Variants in NAV2 observed in about 807,000 individuals in gnomAD.
NAV2 encodes the protein helicase, APC down-regulated 1.
In NAV2, 54 loss-of-function variants were observed where a neutral mutation model predicts 223.2. The ratio of observed to expected loss-of-function variants is 0.24; its 90% CI spans 0.19 to 0.30. The LOEUF (loss-of-function observed/expected upper bound fraction) is 0.30, where lower values mean the gene tolerates loss of function less well. Among genes scored for constraint, NAV2 ranks in the 10% least tolerant of loss-of-function variants. The pLI is 1.00. For missense variants in NAV2, 2,806 were observed against 3,147.5 expected (o/e 0.89, Z 2.60); for synonymous variants, 1,279 against 1,239.3 (o/e 1.03, Z -0.67).
rs115572639 is a variant in NAV2, at chr11:19,551,217, C to A, written c.75+200190C>A. Among the ~76,000 whole-genome samples the A allele has an allele frequency of 4.6e-3, 706 of 152,388 alleles. 8 individuals carry two copies. Among genetic ancestry groups the A allele is most frequent in the African/African-American group, 0.016 (670 of 41,590 alleles). The stretch of plus-strand genomic sequence containing the variant: ...TGCAGCACCATCACTTTCTTTACTA[C>A]AATTTATGCAAGAACATGTGCAGGT... On this transcript the variant is annotated intron_variant, in intron 1 of 37. Coordinates refer to the NAV2 transcript ENST00000360655.
chr11:19,543,466 T>C (rs534415123), intron 1 of NAV2, among the ~76,000 whole-genome samples: 6 of 152,358 alleles, frequency 3.9e-5, no homozygotes, highest in African/African-American at 1.4e-4. Flanking sequence ...TCTATTCTTT[T>C]TCTTTTATCG....
At chr11:19,554,827 G>A (rs926068936) in intron 1 of NAV2, among the ~76,000 whole-genome samples, 7 of 151,960 alleles carry the variant, frequency 4.6e-5, no homozygotes, top group Non-Finnish European at 8.8e-5. Context: ...TTAGCCAGGC[G>A]TGGTGGCTAC....
In NAV2 at chr11:20,048,970, T is replaced by TCTTC. The variant is rs1303780842; in HGVS notation, c.4146_4147insTTCC (p.Thr1383PhefsTer14). On this transcript the variant is annotated frameshift_variant, in exon 15 of 38. Coordinates refer to ENST00000349880, the MANE Select transcript of NAV2 (RefSeq NM_145117.5). LOFTEE classifies it high-confidence loss of function. ...GCCCACTCGGCCCCTTCCAACAGCCTCACCTGGGGCACCAACGCCAGCAGC... is the reference window on the plus strand; with the variant it reads ...GCCCACTCGGCCCCTTCCAACAGCCTCTTCCACCTGGGGCACCAACGCCAGCAGC... The TCTTC allele has an allele frequency of 6.2e-7, 1 of 1,614,070 alleles. No homozygotes were observed. Among genetic ancestry groups the TCTTC allele is most frequent in the South Asian group, 1.1e-5 (1 of 91,066 alleles).
At chr11:20,094,223 C>CTTTTTTT (rs61099684) in intron 29 of NAV2, among the ~76,000 whole-genome samples, 31 of 88,494 alleles carry the variant, frequency 3.5e-4, no homozygotes, top group East Asian at 6.2e-4. Context: ...TTTTCTTTAT[C>CTTTTTTT]TTTTTTTTTT....
intron 22 of NAV2, among the ~76,000 whole-genome samples, chr11:20,074,515 C>G (rs1467070825): frequency 6.6e-6 from 1 of 152,066 alleles, no homozygotes. Flanking sequence ...GTTCATCTGT[C>G]TAATATTGAC....
intron 10 of NAV2, among the ~76,000 whole-genome samples, chr11:19,973,264 C>G (rs1004290690): frequency 6.6e-6 from 1 of 152,112 alleles, no homozygotes; most frequent in African/African-American, 2.4e-5. Flanking sequence ...AGATTCCCAC[C>G]CCTACAGGCT....
chr11:19,456,781 G>A (rs1028069606), intron 1 of NAV2, among the ~76,000 whole-genome samples: 10 of 152,170 alleles, frequency 6.6e-5, no homozygotes, highest in South Asian at 2.1e-4. Context: ...CCCCATTCTC[G>A]CTCTCCCTTT....
intron 1 of NAV2, among the ~76,000 whole-genome samples, chr11:19,589,381 G>A (rs1336701373): frequency 6.6e-6 from 1 of 152,176 alleles, no homozygotes; most frequent in East Asian, 1.9e-4. Flanking sequence ...TTCAATCAGT[G>A]GTTACAATTC....
chr11:19,746,373 T>A (rs2053341600), intron 1 of NAV2, among the ~76,000 whole-genome samples: 1 of 68,806 alleles, frequency 1.5e-5, no homozygotes, highest in South Asian at 3.4e-4. Flanking sequence ...TGCGTTTGTA[T>A]GTTTTTTTTT....
At chr11:19,554,042 T>C (rs528972556) in intron 1 of NAV2, among the ~76,000 whole-genome samples, 73 of 152,338 alleles carry the variant, frequency 4.8e-4, no homozygotes, top group African/African-American at 1.7e-3. Context: ...ACTGAAAAGT[T>C]GTGGGAGCTC....
chr11:19,747,243 A>T (rs1332381175), intron 1 of NAV2, among the ~76,000 whole-genome samples: 1 of 151,980 alleles, frequency 6.6e-6, no homozygotes, highest in African/African-American at 2.4e-5. Context: ...TTATGGCTGC[A>T]TAGTATTCCA....
chr11:19,604,756 G>A (rs1253774387), intron 1 of NAV2, among the ~76,000 whole-genome samples: 1 of 152,166 alleles, frequency 6.6e-6, no homozygotes, highest in Non-Finnish European at 1.5e-5. Context: ...TGTAGCTCCT[G>A]CAATTCCCAT....
At chr11:20,034,028 G>C (rs1197046224) in intron 11 of NAV2, among the ~76,000 whole-genome samples, 14 of 152,182 alleles carry the variant, frequency 9.2e-5, no homozygotes, top group Non-Finnish European at 2.9e-5. Context: ...CCCAAGCCTG[G>C]CGTCCTCCTG....
At chr11:20,006,481 C>T (rs1175311502) in intron 11 of NAV2, among the ~76,000 whole-genome samples, 2 of 152,090 alleles carry the variant, frequency 1.3e-5, no homozygotes, top group Non-Finnish European at 2.9e-5. Context: ...TCAAGACCAT[C>T]CTGACCAACA....
At chr11:19,910,780 C>T (rs2043241080) in intron 6 of NAV2, among the ~76,000 whole-genome samples, 3 of 152,244 alleles carry the variant, frequency 2.0e-5, no homozygotes, top group South Asian at 2.1e-4. Flanking sequence ...ATTGCTTGAA[C>T]CTGAGAGGCG....
intron 19 of NAV2, chr11:20,056,770 C>T: frequency 1.6e-6 from 1 of 637,756 alleles, no homozygotes; most frequent in South Asian, 1.9e-5. Context: ...AGCTCCACTG[C>T]TTTTTAGGTA....
chr11:20,114,476 C>A, intron 36 of NAV2, 116 bp from the exon 37 acceptor site: 1 of 869,088 alleles, frequency 1.2e-6, no homozygotes, highest in Non-Finnish European at 1.8e-6. Context: ...AGTGGAATTA[C>A]TCCATCAGGG....
intron 1 of NAV2, among the ~76,000 whole-genome samples, chr11:19,622,577 AC>A (rs1357606155): frequency 4.6e-5 from 7 of 151,966 alleles, no homozygotes; most frequent in Admixed American, 4.6e-4. Flanking sequence ...TAGGATTGCA[AC>A]CCCTGCTTTT....
At chr11:19,815,363 T>C (rs770930948) in intron 1 of NAV2, among the ~76,000 whole-genome samples, 13 of 152,202 alleles carry the variant, frequency 8.5e-5, no homozygotes, top group Non-Finnish European at 1.8e-4. Flanking sequence ...TGAGTTCTCA[T>C]TATTATTTTT....
Sources: gnomAD v4.1 joint callset for allele counts (sites outside exome capture counted in the v4.1 genomes callset) on GRCh38, gnomAD v4.1.1 for gene constraint, MANE v1.5 for transcripts, NCBI Gene and HGNC (gene_info 2026-07-23, HGNC 2026-07-21) for gene names.